Variants in PCDHA6 observed in about 807,000 individuals in gnomAD.
PCDHA6 encodes the protein protocadherin alpha-6.
Under a neutral mutation model 60.3 loss-of-function variants are expected in PCDHA6, and 55 were observed. That is an observed-to-expected ratio of 0.91 (90% CI 0.73 to 1.14). PCDHA6 has a LOEUF of 1.14. Ranked by LOEUF, PCDHA6 falls within the 50% of genes most tolerant of loss-of-function variation. PCDHA6 has a pLI of 0.00. For synonymous variants in PCDHA6, 652 were observed against 557.9 expected, an observed-to-expected ratio of 1.17 and a Z score of -2.38; for missense variants, 1,327 against 1,256.5, an observed-to-expected ratio of 1.06 and a Z score of -0.85.
rs782045843 is a variant in PCDHA6 at position 140,884,051 on chromosome 5, C to A, written c.2394+53566C>A. Reference sequence around the variant, plus strand: ...TGCAGGCCACGTGGTGGCGAAGGTGCGCGCGGTGGACGCCGATTCGGGCTA... The same window carrying A: ...TGCAGGCCACGTGGTGGCGAAGGTGAGCGCGGTGGACGCCGATTCGGGCTA... On this transcript the variant is annotated intron_variant, in intron 1 of 3. Coordinates refer to ENST00000529310, the MANE Select transcript of PCDHA6 (RefSeq NM_018909.4). The A allele has an allele frequency of 9.3e-6, 15 of 1,613,426 alleles. No homozygotes were observed. In the South Asian group the frequency reaches 1.6e-4, roughly 18 times the overall value.
rs1424860955 is a variant in PCDHA6, at chr5:140,855,923, A to G, written c.2394+25438A>G. 3.3e-6 allele frequency: 4 copies of G among 1,229,030 alleles called. No individual in the cohort carries two copies. In the East Asian group the frequency reaches 9.4e-5, roughly 29 times the overall value. The allele number at this position is 1,229,030 out of a possible 1,614,324, so 76.1% of individuals were successfully genotyped here. ...GCCAGTTTCTCAAGGACTAGGAAGT[A>G]GCGTCATTCTGAGATCTCAGCCATT... On this transcript the variant is annotated intron_variant, in intron 1 of 3. Transcript: ENST00000529310.
rs1554162252 is a variant in PCDHA6 at position 140,868,854 on chromosome 5, T to A, written c.2394+38369T>A. ...ACCCAAAACACGTGAAATTCTGTGG[T>A]GGTAAATGCAGTGCACAGTACTCAC... On this transcript the variant is annotated intron_variant, in intron 1 of 3. Coordinates refer to ENST00000529310, the MANE Select transcript of PCDHA6 (RefSeq NM_018909.4). 8.6e-6 allele frequency: 4 copies of A among 465,988 alleles called. 1 individual carries two copies. The highest frequency in any genetic ancestry group is 1.4e-5 in the Non-Finnish European group (4 of 277,116). The allele number at this position is 465,988 out of a possible 1,614,324, so 28.9% of individuals were successfully genotyped here. A position where few individuals can be genotyped will look rare whatever the true frequency, so the allele number is the denominator to read the frequency against.
chr5:140,885,049 A>T (rs1001120267), intron 1 of PCDHA6, among the ~76,000 whole-genome samples: 56 of 152,352 alleles, frequency 3.7e-4, no homozygotes, highest in African/African-American at 1.2e-3. Context: ...TTTAATGTAT[A>T]CATATACCCA....
chr5:140,858,834 A>T, intron 1 of PCDHA6: 1 of 322,932 alleles, frequency 3.1e-6, no homozygotes, highest in Non-Finnish European at 5.8e-6. Context: ...CATTACCAAA[A>T]AATTCCACTG....
rs782355791 is a variant in PCDHA6, at chr5:140,982,576, G to A, written c.2542+13G>A. The A allele has an allele frequency of 5.6e-6, 9 of 1,613,152 alleles. No homozygotes were observed. In the Admixed American group the frequency reaches 6.7e-5, roughly 12 times the overall value. ...AGTGCAACACCAGGTAAAGAGCTGG[G>A]GTCTCTCCATTCTTTCTTGGTTTCT... On this transcript the variant is annotated intron_variant, in intron 3 of 3. Transcript: ENST00000529310.
intron 1 of PCDHA6, among the ~76,000 whole-genome samples, chr5:140,891,122 G>A (rs572236105): frequency 1.3e-5 from 2 of 152,256 alleles, no homozygotes; most frequent in African/African-American, 4.8e-5. Flanking sequence ...CAATCTAAAT[G>A]TCATTCCTTT....
At chr5:140,998,881 T>C (rs892142070) in intron 3 of PCDHA6, among the ~76,000 whole-genome samples, 13 of 152,224 alleles carry the variant, frequency 8.5e-5, no homozygotes, top group Admixed American at 2.6e-4. Flanking sequence ...ATAAGTTTAG[T>C]TGAATAAATA....
Position 140,849,847 on chromosome 5 carries a change from A to G in PCDHA6, c.2394+19362A>G, listed in dbSNP as rs2150453307. 2.4e-5 allele frequency: 39 copies of G among 1,598,408 alleles called. 5 individuals are homozygous for G. In the South Asian group the frequency reaches 2.8e-4, roughly 11 times the overall value. On this transcript the variant is annotated intron_variant, in intron 1 of 3. Transcript: ENST00000529310. ...GTGGAGGTGGCCGACGTGAACGACA[A>G]CGCACCAGCGTTCGCGCAGTCCGAG...
At chr5:140,859,755 T>C (rs1554152701) in intron 1 of PCDHA6, 1 of 153,726 alleles carries the variant, frequency 6.5e-6, no homozygotes, top group African/African-American at 2.4e-5. Flanking sequence ...TCTTTCAGTG[T>C]TAATACTCTC....
intron 1 of PCDHA6, among the ~76,000 whole-genome samples, chr5:140,918,094 T>C (rs1001602407): frequency 1.3e-5 from 2 of 152,188 alleles, no homozygotes; most frequent in East Asian, 1.9e-4. Context: ...ATTCTTTTTA[T>C]AGAGATCTTT....
At chr5:140,916,327 A>G (rs1218792272) in intron 1 of PCDHA6, among the ~76,000 whole-genome samples, 5 of 152,226 alleles carry the variant, frequency 3.3e-5, no homozygotes, top group African/African-American at 1.2e-4. Context: ...AGTCCCCTTT[A>G]CTTTTTCCTC....
In PCDHA6 at chr5:140,829,830, T is replaced by C. The variant is rs1562311801; in HGVS notation, c.1739T>C (p.Leu580Pro). The C allele has an allele frequency of 1.2e-6, 2 of 1,613,890 alleles. No individual in the cohort carries two copies. Among genetic ancestry groups the C allele is most frequent in the Non-Finnish European group, 8.5e-7 (1 of 1,179,878 alleles). ...VGGTGGAVSE[L>P]VPRSLGAGQV... is the part of the protein sequence containing the mutation. ...GGTACTGGTGGTGCAGTGAGCGAGC[T>C]GGTGCCGCGGTCACTGGGTGCAGGC... The change falls in exon 1 of 4, where the codon CTG becomes CCG. Residue 580 changes from leucine to proline, a missense_variant. Transcript: ENST00000529310.
chr5:140,870,734 T>A (rs782055886), intron 1 of PCDHA6: 1 of 1,613,458 alleles, frequency 6.2e-7, no homozygotes. Flanking sequence ...GTGCCGCCTC[T>A]GAGCAGCAAC....
At chr5:140,849,964 T>A in intron 1 of PCDHA6, 1 of 1,597,810 alleles carries the variant, frequency 6.3e-7, no homozygotes. Flanking sequence ...AACGCCCTGG[T>A]GTCCTACTCG....
chr5:140,928,944 A>G (rs782627710), intron 1 of PCDHA6: 1 of 1,614,070 alleles, frequency 6.2e-7, no homozygotes, highest in South Asian at 1.1e-5. Context: ...ACTTGTATTT[A>G]GTAATTGCCT....
At chr5:140,870,880 G>T in intron 1 of PCDHA6, 1 of 1,613,948 alleles carries the variant, frequency 6.2e-7, no homozygotes. Context: ...GGTGGCGAAG[G>T]TGCGCGCAGT....
intron 1 of PCDHA6, among the ~76,000 whole-genome samples, chr5:140,906,790 C>A (rs1381392314): frequency 6.6e-6 from 1 of 152,276 alleles, no homozygotes; most frequent in South Asian, 2.1e-4. Flanking sequence ...TTGTGTATTC[C>A]ATGCATACTC....
chr5:140,980,432 C>A (rs1228010505), intron 2 of PCDHA6, among the ~76,000 whole-genome samples: 1 of 152,118 alleles, frequency 6.6e-6, no homozygotes, highest in East Asian at 1.9e-4. Context: ...GAGATCGAGA[C>A]CATCCTGGAC....
At chr5:140,928,506 A>G (rs1554205940) in intron 1 of PCDHA6, 4 of 1,614,090 alleles carry the variant, frequency 2.5e-6, no homozygotes, top group African/African-American at 1.3e-5. Context: ...GAAGTGCAAC[A>G]GTGACTATAA....
Sources: gnomAD v4.1 joint callset for allele counts (sites outside exome capture counted in the v4.1 genomes callset) on GRCh38, gnomAD v4.1.1 for gene constraint, MANE v1.5 for transcripts, NCBI Gene and HGNC (gene_info 2026-07-23, HGNC 2026-07-21) for gene names.